Variants in LDLRAD3 observed in about 807,000 individuals in gnomAD.
LDLRAD3 encodes the protein low-density lipoprotein receptor class A domain-containing protein 3.
LDLRAD3 carries 20 observed loss-of-function variants against 29.4 expected under a neutral mutation model. The ratio of observed to expected loss-of-function variants is 0.68; its 90% CI spans 0.48 to 0.99. The LOEUF (loss-of-function observed/expected upper bound fraction) is 0.99. Among genes scored for constraint, LDLRAD3 ranks in the 50% least tolerant of loss-of-function variants. The pLI, the probability that LDLRAD3 is intolerant of heterozygous loss-of-function variation, is 0.00. For synonymous variants in LDLRAD3, 157 were observed against 192.7 expected (o/e 0.81, Z 1.53); for missense variants, 420 against 454.3 (o/e 0.92, Z 0.69).
At chr11:36,197,866 G>A (rs1260782821) in intron 4 of LDLRAD3, 1 of 149,338 alleles carries the variant, frequency 6.7e-6, no homozygotes, top group Non-Finnish European at 1.5e-5. Context: ...GGGCAACAGA[G>A]CAAGTCCCCA....
At chr11:35,971,268 C>T (rs1277551224) in intron 1 of LDLRAD3, among the ~76,000 whole-genome samples, 1 of 152,096 alleles carries the variant, frequency 6.6e-6, no homozygotes, top group Non-Finnish European at 1.5e-5. Context: ...CGTTGGGACC[C>T]CAGTGAAAGA....
At chr11:36,104,858 A>G (rs539201765) in intron 4 of LDLRAD3, among the ~76,000 whole-genome samples, 1 of 152,304 alleles carries the variant, frequency 6.6e-6, no homozygotes, top group South Asian at 2.1e-4. Context: ...AGCTGGGCCC[A>G]GGACTTTCAG....
At chr11:36,200,752 G>A (rs1855115646) in intron 4 of LDLRAD3, among the ~76,000 whole-genome samples, 1 of 152,218 alleles carries the variant, frequency 6.6e-6, no homozygotes, top group African/African-American at 2.4e-5. Context: ...GGCCGATGGT[G>A]CTCAACCCAT....
rs548833369 is a variant in LDLRAD3 at position 35,999,408 on chromosome 11, C to T, written c.47-36695C>T. ...GAGTCAGCCAGATTACCCGGAGAAA[C>T]GGCGTTTAAAGCAGGACTGCTCCAG... On this transcript the variant is annotated intron_variant, in intron 1 of 5. Coordinates refer to ENST00000315571, the MANE Select transcript of LDLRAD3 (RefSeq NM_174902.4). Among the ~76,000 whole-genome samples, 12 of 152,262 alleles carry T rather than the reference C, an allele frequency of 7.9e-5. No homozygotes were observed. The South Asian group carries it at 8.3e-4, about 11-fold the overall frequency.
chr11:36,192,913 C>T (rs1444818531), intron 4 of LDLRAD3, among the ~76,000 whole-genome samples: 1 of 152,196 alleles, frequency 6.6e-6, no homozygotes, highest in Non-Finnish European at 1.5e-5. Flanking sequence ...GAGTTCAAAT[C>T]TGGACCTTGC....
chr11:36,180,139 G>T (rs1314637895), intron 4 of LDLRAD3, among the ~76,000 whole-genome samples: 1 of 152,120 alleles, frequency 6.6e-6, no homozygotes, highest in African/African-American at 2.4e-5. Context: ...GTTCCTACCT[G>T]CCTCGGTACA....
intron 4 of LDLRAD3, among the ~76,000 whole-genome samples, chr11:36,179,668 G>A (rs1437703058): frequency 6.6e-6 from 1 of 152,022 alleles, no homozygotes; most frequent in Admixed American, 6.6e-5. Context: ...GATAATACTT[G>A]CCTTTTTAGG....
chr11:36,123,423 C>A (rs377472620), intron 4 of LDLRAD3, among the ~76,000 whole-genome samples: 44 of 152,284 alleles, frequency 2.9e-4, no homozygotes, highest in African/African-American at 1.0e-3. Context: ...AATGTGCTGC[C>A]CCACAGCATG....
intron 1 of LDLRAD3, among the ~76,000 whole-genome samples, chr11:35,970,777 T>C (rs185649751): frequency 6.6e-6 from 1 of 152,220 alleles, no homozygotes; most frequent in Admixed American, 6.5e-5. Context: ...AGCAAGGTGG[T>C]AACTTTCTAA....
intron 1 of LDLRAD3, among the ~76,000 whole-genome samples, chr11:35,984,910 G>A (rs1171097271): frequency 3.3e-5 from 5 of 150,996 alleles, no homozygotes; most frequent in Admixed American, 2.6e-4. Context: ...GATTACAGGC[G>A]TGAGCCACCG....
chr11:36,199,604 C>CGTGT (rs201064399), intron 4 of LDLRAD3, among the ~76,000 whole-genome samples: 54 of 151,920 alleles, frequency 3.6e-4, no homozygotes, highest in African/African-American at 1.1e-3. Context: ...CACGCGTGCG[C>CGTGT]GCACACGCTT....
chr11:36,142,668 C>T (rs774441497), intron 4 of LDLRAD3, among the ~76,000 whole-genome samples: 12 of 152,210 alleles, frequency 7.9e-5, no homozygotes, highest in Admixed American at 2.0e-4. Context: ...CCGGTGCAGC[C>T]GGTGAAGTGA....
chr11:36,172,475 T>A (rs1306606740), intron 4 of LDLRAD3, among the ~76,000 whole-genome samples: 1 of 152,170 alleles, frequency 6.6e-6, no homozygotes, highest in Non-Finnish European at 1.5e-5. Context: ...CATAAATGGC[T>A]TTTATTACAT....
intron 4 of LDLRAD3, among the ~76,000 whole-genome samples, chr11:36,183,439 C>T (rs1018873790): frequency 2.6e-5 from 4 of 152,130 alleles, no homozygotes; most frequent in African/African-American, 4.8e-5. Flanking sequence ...GACCATATTA[C>T]GTGGAGAAAT....
chr11:36,101,501 A>G (rs1003785022), intron 4 of LDLRAD3, among the ~76,000 whole-genome samples: 5 of 152,190 alleles, frequency 3.3e-5, no homozygotes, highest in African/African-American at 1.2e-4. Context: ...AATAACAAGT[A>G]TTATTATTGT....
At chr11:36,061,792 T>A (rs1039675094) in intron 2 of LDLRAD3, among the ~76,000 whole-genome samples, 2 of 152,216 alleles carry the variant, frequency 1.3e-5, no homozygotes, top group Non-Finnish European at 2.9e-5. Flanking sequence ...CTATGGCAAC[T>A]GGGTCTTTGG....
intron 4 of LDLRAD3, among the ~76,000 whole-genome samples, chr11:36,120,547 G>A (rs1456830554): frequency 1.3e-5 from 2 of 152,168 alleles, no homozygotes; most frequent in African/African-American, 4.8e-5. Flanking sequence ...AACCTTGGGG[G>A]AACCTCATGA....
chr11:36,064,696 C>T (rs1852763494), intron 2 of LDLRAD3, among the ~76,000 whole-genome samples: 1 of 152,198 alleles, frequency 6.6e-6, no homozygotes. Flanking sequence ...CTATAACTTT[C>T]ACTCTCAGCC....
At chr11:36,096,001 A>G (rs1330808818) in intron 3 of LDLRAD3, among the ~76,000 whole-genome samples, 1 of 152,186 alleles carries the variant, frequency 6.6e-6, no homozygotes, top group Non-Finnish European at 1.5e-5. Context: ...GGCTGAAGTC[A>G]GACCTCGGTT....
Sources: gnomAD v4.1 joint callset for allele counts (sites outside exome capture counted in the v4.1 genomes callset) on GRCh38, gnomAD v4.1.1 for gene constraint, MANE v1.5 for transcripts, NCBI Gene and HGNC (gene_info 2026-07-23, HGNC 2026-07-21) for gene names.